Variants in CLMP observed in about 807,000 individuals in gnomAD.
The protein encoded by CLMP is CXADR like cell adhesion molecule, also known as CXADR-like membrane protein.
In CLMP, 27 loss-of-function variants were observed where a neutral mutation model predicts 45.2. The ratio of observed to expected loss-of-function variants is 0.60; its 90% CI spans 0.44 to 0.82. CLMP has a LOEUF of 0.82. CLMP is among the 40% of genes least tolerant of loss of function. The pLI is 0.00. For missense variants in CLMP, 403 were observed against 448.4 expected (o/e 0.90, Z 0.91); for synonymous variants, 167 against 171.4 (o/e 0.97, Z 0.20).
chr11:123,085,649 G>A (rs1296847575), intron 2 of CLMP, among the ~76,000 whole-genome samples: 3 of 149,506 alleles, frequency 2.0e-5, no homozygotes, highest in Non-Finnish European at 3.0e-5. Context: ...TTGCCCACAA[G>A]GTGACTGCTT....
At position 123,130,834 on chromosome 11, in the gene CLMP, T is replaced by G. The variant is rs973842829; in HGVS notation, c.29-32882A>C. Among the ~76,000 whole-genome samples the G allele has an allele frequency of 2.7e-5, 4 of 150,492 alleles. No homozygotes were observed. In the Admixed American group the frequency reaches 2.7e-4, roughly 10 times the overall value. ...CCTTCCCCAAATGGAATCGTTTTTT[T>G]CTTTTCCTTTTTTTTTTTTTTTTTT... On this transcript the variant is annotated intron_variant, in intron 1 of 6. Coordinates refer to ENST00000448775, the MANE Select transcript of CLMP (RefSeq NM_024769.5).
intron 1 of CLMP, among the ~76,000 whole-genome samples, chr11:123,105,994 T>C (rs1860541006): frequency 6.6e-6 from 1 of 152,072 alleles, no homozygotes; most frequent in Non-Finnish European, 1.5e-5. Context: ...TTTTTGTATT[T>C]TTAGTAGAGA....
intron 1 of CLMP, among the ~76,000 whole-genome samples, chr11:123,126,091 G>C (rs1444025858): frequency 6.6e-6 from 1 of 152,128 alleles, no homozygotes; most frequent in Non-Finnish European, 1.5e-5. Flanking sequence ...CAAGGGGCCA[G>C]CCTGAATATA....
At chr11:123,182,185 T>C (rs1330753069) in intron 1 of CLMP, among the ~76,000 whole-genome samples, 1 of 152,212 alleles carries the variant, frequency 6.6e-6, no homozygotes, top group African/African-American at 2.4e-5. Context: ...ACAGCACCGA[T>C]TTAAAAGACC....
rs1865832963 is a variant in CLMP, at chr11:123,083,839, A to T, written c.397T>A (p.Ser133Thr). The T allele has an allele frequency of 6.2e-7, 1 of 1,612,896 alleles. No individual in the cohort carries two copies. Among genetic ancestry groups the T allele is most frequent in the African/African-American group, 1.3e-5 (1 of 74,886 alleles). ...HVILKVLVRP[S>T]KPKCELEGEL... ...CCTTCCAACTCACACTTGGGCTTGGATGGTCTCACTGGCAACAGCAACAAC... is the reference window on the plus strand; with the variant it reads ...CCTTCCAACTCACACTTGGGCTTGGTTGGTCTCACTGGCAACAGCAACAAC... Residue 133 changes from serine to threonine, a missense_variant, in exon 4 of 7, where the codon TCC becomes ACC. Coordinates refer to ENST00000448775, the MANE Select transcript of CLMP (RefSeq NM_024769.5).
chr11:123,107,062 A>ATT (rs556205898), intron 1 of CLMP, among the ~76,000 whole-genome samples: 123 of 142,944 alleles, frequency 8.6e-4, no homozygotes, highest in African/African-American at 2.9e-3. Context: ...TACTTGCTGC[A>ATT]TTTTTTTTTT....
intron 1 of CLMP, among the ~76,000 whole-genome samples, chr11:123,144,938 G>A (rs1861216241): frequency 6.6e-6 from 1 of 152,018 alleles, no homozygotes; most frequent in African/African-American, 2.4e-5. Flanking sequence ...AGGCTCGAGT[G>A]CTGCACCAGC....
intron 1 of CLMP, among the ~76,000 whole-genome samples, chr11:123,194,332 A>T (rs1565408966): frequency 1.3e-5 from 2 of 151,422 alleles, no homozygotes; most frequent in African/African-American, 2.4e-5. Flanking sequence ...TCTGTTTTAC[A>T]TTCCTGTTCT....
chr11:123,177,883 T>C (rs916358839), intron 1 of CLMP, among the ~76,000 whole-genome samples: 4 of 152,172 alleles, frequency 2.6e-5, no homozygotes, highest in African/African-American at 9.7e-5. Flanking sequence ...TAACACGGGG[T>C]CTCACTCTGT....
Position 123,195,223 on chromosome 11 carries a change from T to G in CLMP, c.-283A>C. On this transcript the variant is annotated 5_prime_UTR_variant, in exon 1 of 7. Coordinates refer to ENST00000448775, the MANE Select transcript of CLMP (RefSeq NM_024769.5). ...GGCGCTACCGCTTCGTGGAACACTT[T>G]TCCCTGTTTGGAAAGAAAAAGGAGT... 4.2e-6 allele frequency: 1 copy of G among 238,488 alleles called. No individual in the cohort carries two copies. Among genetic ancestry groups the G allele is most frequent in the Non-Finnish European group, 8.0e-6 (1 of 125,236 alleles). 14.8% of individuals were successfully genotyped at this position (238,488 alleles called of 1,614,324 possible).
intron 1 of CLMP, among the ~76,000 whole-genome samples, chr11:123,151,120 G>T (rs1168012178): frequency 3.3e-5 from 5 of 152,250 alleles, no homozygotes; most frequent in Admixed American, 6.5e-5. Flanking sequence ...CAGCAGGAAG[G>T]AGGACCAGCG....
chr11:123,186,367 G>A (rs1035016806), intron 1 of CLMP, among the ~76,000 whole-genome samples: 8 of 152,132 alleles, frequency 5.3e-5, no homozygotes, highest in Non-Finnish European at 1.0e-4. Context: ...ACAGGCACTC[G>A]GGGGCATGAG....
chr11:123,133,006 C>A (rs559686327), intron 1 of CLMP, among the ~76,000 whole-genome samples: 1 of 151,946 alleles, frequency 6.6e-6, no homozygotes, highest in East Asian at 1.9e-4. Context: ...TGACCTCAAG[C>A]GATCTGCCTG....
chr11:123,139,262 A>G (rs1303885099), intron 1 of CLMP, among the ~76,000 whole-genome samples: 1 of 151,764 alleles, frequency 6.6e-6, no homozygotes, highest in Non-Finnish European at 1.5e-5. Context: ...TGAGATTCCT[A>G]TTGAATTGAA....
intron 1 of CLMP, among the ~76,000 whole-genome samples, chr11:123,189,366 G>A (rs565283780): frequency 1.3e-5 from 2 of 152,238 alleles, no homozygotes; most frequent in Admixed American, 6.5e-5. Flanking sequence ...CTGTTTACTC[G>A]CAGTGTATTC....
intron 1 of CLMP, among the ~76,000 whole-genome samples, chr11:123,186,589 A>G (rs1861838062): frequency 6.6e-6 from 1 of 150,946 alleles, no homozygotes; most frequent in Non-Finnish European, 1.5e-5. Flanking sequence ...GCGTGATCTC[A>G]ACTCACTGCT....
chr11:123,194,158 G>C (rs1861946452), intron 1 of CLMP, among the ~76,000 whole-genome samples: 1 of 151,926 alleles, frequency 6.6e-6, no homozygotes, highest in Admixed American at 6.5e-5. Context: ...AGTCCTGCCT[G>C]GGGGACCCCA....
chr11:123,115,317 G>T (rs1221958015), intron 1 of CLMP, among the ~76,000 whole-genome samples: 2 of 152,034 alleles, frequency 1.3e-5, no homozygotes, highest in South Asian at 2.1e-4. Context: ...AAAGTGCTGG[G>T]ATTACAGGTG....
chr11:123,163,118 G>A (rs1388615459), intron 1 of CLMP, among the ~76,000 whole-genome samples: 1 of 151,782 alleles, frequency 6.6e-6, no homozygotes, highest in Non-Finnish European at 1.5e-5. Context: ...GAGAAAGAAG[G>A]GTGTCCACAA....
Sources: gnomAD v4.1 joint callset for allele counts (sites outside exome capture counted in the v4.1 genomes callset) on GRCh38, gnomAD v4.1.1 for gene constraint, MANE v1.5 for transcripts, NCBI Gene and HGNC (gene_info 2026-07-23, HGNC 2026-07-21) for gene names.